The following IGFBP7 variants were observed in gnomAD, a reference collection of about 807,000 sequenced individuals.
IGFBP7 encodes insulin-like growth factor-binding protein 7.
IGFBP7 carries 31 observed loss-of-function variants against 29.4 expected under a neutral mutation model. That is an observed-to-expected ratio of 1.05 (90% CI 0.79 to 1.42). The LOEUF (loss-of-function observed/expected upper bound fraction) is 1.42. Ranked by LOEUF, IGFBP7 falls within the 40% of genes most tolerant of loss-of-function variation. IGFBP7 has a pLI of 0.00. For missense variants in IGFBP7, 393 were observed against 395.5 expected (o/e 0.99, Z 0.05); for synonymous variants, 172 against 174.9 (o/e 0.98, Z 0.13).
At chr4:57,088,243 C>T (rs5002005) in intron 1 of IGFBP7, among the ~76,000 whole-genome samples, 127,906 of 152,184 alleles carry the variant, frequency 0.84, 53,936 homozygotes, top group Middle Eastern at 0.92. Context: ...CCCAAAGTAT[C>T]GGGATTAGAG....
At chr4:57,059,149 G>T (rs1168471721) in intron 1 of IGFBP7, among the ~76,000 whole-genome samples, 4 of 152,106 alleles carry the variant, frequency 2.6e-5, no homozygotes, top group Non-Finnish European at 1.5e-5. Context: ...TGTTGGTAGG[G>T]GTGTAAATTA....
rs71208974 is a variant in IGFBP7 at position 57,039,065 on chromosome 4, C to CAA, written c.585+1757_585+1758dup. On this transcript the variant is annotated intron_variant, in intron 2 of 4. Transcript: ENST00000295666. ...GGGCAATAAGAGTGAAACTATGTCT[C>CAA]AAAAAAAAAAAAAAAAAAAAAAAGA... 5.4e-3 allele frequency among the ~76,000 whole-genome samples: 573 copies of CAA among 106,212 alleles called. 5 individuals are homozygous for CAA. Among genetic ancestry groups the CAA allele is most frequent in the African/African-American group, 0.017 (461 of 27,320 alleles). The allele number at this position is 106,212 out of a possible 152,430, so 69.7% of individuals were successfully genotyped here. A position where few individuals can be genotyped will look rare whatever the true frequency, so the allele number is the denominator to read the frequency against.
chr4:57,053,427 G>A (rs190679542), intron 1 of IGFBP7, among the ~76,000 whole-genome samples: 9 of 152,296 alleles, frequency 5.9e-5, no homozygotes, highest in Admixed American at 3.9e-4. Flanking sequence ...TGCCCATGGT[G>A]GTTCTGGTAC....
chr4:57,065,169 C>T (rs1429745697), intron 1 of IGFBP7, among the ~76,000 whole-genome samples: 1 of 152,206 alleles, frequency 6.6e-6, no homozygotes, highest in African/African-American at 2.4e-5. Context: ...CCTCGGCCCA[C>T]GCCAGGAGGC....
At chr4:57,102,830 T>C (rs972576306) in intron 1 of IGFBP7, among the ~76,000 whole-genome samples, 6 of 152,172 alleles carry the variant, frequency 3.9e-5, no homozygotes, top group Admixed American at 3.3e-4. Flanking sequence ...GAAGGGCAGC[T>C]GAGGCCAGAA....
At chr4:57,060,906 A>C (rs1312876654) in intron 1 of IGFBP7, among the ~76,000 whole-genome samples, 4 of 151,584 alleles carry the variant, frequency 2.6e-5, no homozygotes, top group Non-Finnish European at 5.9e-5. Context: ...GTGACGGGGC[A>C]AAAAAGTTTT....
intron 1 of IGFBP7, among the ~76,000 whole-genome samples, chr4:57,067,925 C>T (rs17761305): frequency 0.13 from 20,349 of 151,940 alleles, 1,436 homozygotes; most frequent in East Asian, 0.16. Context: ...GATAGGGTAG[C>T]GAAAAATGTG....
chr4:57,031,021 AT>A lies in IGFBP7; in HGVS notation c.*295del. On this transcript the variant is annotated 3_prime_UTR_variant, in exon 5 of 5. Transcript: ENST00000295666. Reference sequence around the variant, plus strand: ...ACAGGAGTCAACAAGATAATTAAATATCTTGGTGTCTTGTTTCTATTGTGTG... The same window carrying A: ...ACAGGAGTCAACAAGATAATTAAATACTTGGTGTCTTGTTTCTATTGTGTG... 8.1e-7 allele frequency: 1 copy of A among 1,240,576 alleles called. No individual in the cohort carries two copies. Among genetic ancestry groups the A allele is most frequent in the South Asian group, 1.2e-5 (1 of 83,412 alleles). The allele number at this position is 1,240,576 out of a possible 1,614,324, so 76.8% of individuals were successfully genotyped here.
At chr4:57,047,046 G>A (rs1475449358) in intron 1 of IGFBP7, among the ~76,000 whole-genome samples, 1 of 152,016 alleles carries the variant, frequency 6.6e-6, no homozygotes, top group East Asian at 1.9e-4. Context: ...TCTTCTTTTT[G>A]AACATTCCTT....
At chr4:57,094,126 C>T (rs576203272) in intron 1 of IGFBP7, among the ~76,000 whole-genome samples, 27 of 152,298 alleles carry the variant, frequency 1.8e-4, no homozygotes, top group African/African-American at 6.5e-4. Flanking sequence ...TTTCTAAGCT[C>T]CTTAGAGCAG....
At chr4:57,055,254 G>T (rs1319739239) in intron 1 of IGFBP7, among the ~76,000 whole-genome samples, 1 of 152,198 alleles carries the variant, frequency 6.6e-6, no homozygotes, top group Non-Finnish European at 1.5e-5. Context: ...CTGCACACTG[G>T]ACTCATCTGG....
chr4:57,086,639 TG>T (rs1160460591), intron 1 of IGFBP7, among the ~76,000 whole-genome samples: 25 of 152,210 alleles, frequency 1.6e-4, no homozygotes, highest in Admixed American at 1.6e-3. Context: ...ATGTTTTCCA[TG>T]GGGCTTGGGT....
At chr4:57,088,067 C>T (rs962194237) in intron 1 of IGFBP7, among the ~76,000 whole-genome samples, 2 of 152,192 alleles carry the variant, frequency 1.3e-5, no homozygotes, top group Non-Finnish European at 2.9e-5. Context: ...TTCCTAGGTT[C>T]AAGTGATCCT....
At chr4:57,075,940 A>G (rs1725212370) in intron 1 of IGFBP7, among the ~76,000 whole-genome samples, 1 of 152,194 alleles carries the variant, frequency 6.6e-6, no homozygotes, top group Non-Finnish European at 1.5e-5. Flanking sequence ...TATTTTCAGA[A>G]CTTTCGAGAA....
In IGFBP7 at chr4:57,041,528, T is replaced by A. The variant is rs1472319892; in HGVS notation, c.476-595A>T. Among the ~76,000 whole-genome samples the A allele has an allele frequency of 2.0e-5, 3 of 152,020 alleles. No individual in the cohort carries two copies. The East Asian group carries it at 5.8e-4, about 29-fold the overall frequency. ...GGATTGGAAGGGACATCTTTATTTTTAATTTAATTTTATTATTATTTTTTT... is the reference window on the plus strand; with the variant it reads ...GGATTGGAAGGGACATCTTTATTTTAAATTTAATTTTATTATTATTTTTTT... On this transcript the variant is annotated intron_variant, in intron 1 of 4. Coordinates refer to ENST00000295666, the MANE Select transcript of IGFBP7 (RefSeq NM_001553.3).
chr4:57,084,530 T>C (rs541835518), intron 1 of IGFBP7, among the ~76,000 whole-genome samples: 1 of 152,316 alleles, frequency 6.6e-6, no homozygotes, highest in Non-Finnish European at 1.5e-5. Context: ...TTCTTTAAGA[T>C]GCAATCATTC....
At chr4:57,052,987 A>C (rs796974321) in intron 1 of IGFBP7, among the ~76,000 whole-genome samples, 2 of 151,970 alleles carry the variant, frequency 1.3e-5, no homozygotes, top group African/African-American at 4.8e-5. Flanking sequence ...CTTGCAAACA[A>C]ATCTCTTATT....
At chr4:57,037,225 G>A (rs954979674) in intron 2 of IGFBP7, among the ~76,000 whole-genome samples, 1 of 152,186 alleles carries the variant, frequency 6.6e-6, no homozygotes, top group Non-Finnish European at 1.5e-5. Flanking sequence ...CATGCATGTG[G>A]CAAATTACAT....
At chr4:57,061,850 G>A (rs1419487672) in intron 1 of IGFBP7, among the ~76,000 whole-genome samples, 2 of 152,088 alleles carry the variant, frequency 1.3e-5, no homozygotes, top group Non-Finnish European at 2.9e-5. Flanking sequence ...AAAATAATGA[G>A]ATAGGGTCTT....
Sources: allele counts gnomAD v4.1 joint callset (sites outside exome capture counted in the v4.1 genomes callset), GRCh38; gene constraint gnomAD v4.1.1; transcripts MANE v1.5; gene names NCBI Gene and HGNC (gene_info 2026-07-23, HGNC 2026-07-21).